Variants in TMEM131 observed in about 807,000 individuals in gnomAD.
The protein encoded by TMEM131 is 2610524E03Rik.
TMEM131 carries 66 observed loss-of-function variants against 211.6 expected under a neutral mutation model. The observed-to-expected ratio is 0.31, with a 90% CI of 0.26 to 0.38. The LOEUF is 0.38. Ranked by LOEUF, TMEM131 falls within the 10% of genes least tolerant of loss-of-function variation. The probability of loss-of-function intolerance (pLI) is 1.00; values close to 1 mark genes in which losing one functional copy is unlikely to be tolerated. For missense variants in TMEM131, 2,036 were observed against 2,299.3 expected (o/e 0.89, Z 2.34); for synonymous variants, 844 against 841.3 (o/e 1.00, Z -0.06).
intron 1 of TMEM131, among the ~76,000 whole-genome samples, chr2:97,940,860 G>A (rs1156286921): frequency 6.6e-6 from 1 of 151,554 alleles, no homozygotes. Context: ...CATGCTCATG[G>A]ATAGGAAGAA....
At chr2:97,974,642 G>A (rs1679452000) in intron 1 of TMEM131, among the ~76,000 whole-genome samples, 1 of 151,406 alleles carries the variant, frequency 6.6e-6, no homozygotes, top group Non-Finnish European at 1.5e-5. Context: ...ACAAAGATAA[G>A]GATGACATCA....
chr2:97,875,051 G>C (rs1049571056), intron 4 of TMEM131, among the ~76,000 whole-genome samples: 4 of 151,952 alleles, frequency 2.6e-5, no homozygotes, highest in Non-Finnish European at 5.9e-5. Context: ...ATGAAAAAAA[G>C]CAGGAGTTGC....
At position 97,792,618 on chromosome 2, in the gene TMEM131, A is replaced by C. The variant is rs1472581429; in HGVS notation, c.3912T>G (p.Pro1304=). ...AHSPLEQHPQ[P]PLPPPVPQPQ... ...GCTGAGGCACTGGCGGTGGCAGAGG[A>C]GGCTGAGGGTGCTGCTCCAGCGGGC... Residue 1304 remains proline (P), a synonymous_variant, in exon 31 of 41, where the codon CCT becomes CCG. Transcript: ENST00000186436. 2.5e-6 allele frequency: 4 copies of C among 1,612,748 alleles called. No homozygotes were observed. The highest frequency in any genetic ancestry group is 1.3e-5 in the African/African-American group (1 of 74,880).
At chr2:97,989,558 TAC>T (rs1680173205) in intron 1 of TMEM131, among the ~76,000 whole-genome samples, 1 of 152,234 alleles carries the variant, frequency 6.6e-6, no homozygotes, top group Non-Finnish European at 1.5e-5. Flanking sequence ...ACAACGTGAA[TAC>T]ACTTAACACC....
intron 1 of TMEM131, among the ~76,000 whole-genome samples, chr2:97,937,035 A>C (rs1267488367): frequency 6.6e-6 from 1 of 152,170 alleles, no homozygotes; most frequent in Non-Finnish European, 1.5e-5. Flanking sequence ...ATAAATTTAA[A>C]GAAACAAGAA....
In TMEM131 at chr2:97,976,204, T is replaced by TAC. The variant is rs945648788; in HGVS notation, c.187+19270_187+19271dup. Among the ~76,000 whole-genome samples, 18 of 152,240 alleles carry TAC rather than the reference T, an allele frequency of 1.2e-4. No individual in the cohort carries two copies. The South Asian group carries it at 1.5e-3, about 12-fold the overall frequency. On this transcript the variant is annotated intron_variant, in intron 1 of 40. Transcript: ENST00000186436. ...ACATTGCACTGGAGGTCATAAGCAG[T>TAC]ACAATCAGGTAAGCAAAACAGAAGG... is the stretch of plus-strand genomic sequence containing the variant.
At chr2:97,844,950 T>G (rs903603360) in intron 5 of TMEM131, among the ~76,000 whole-genome samples, 1 of 152,072 alleles carries the variant, frequency 6.6e-6, no homozygotes, top group African/African-American at 2.4e-5. Flanking sequence ...GCTAGAACTC[T>G]AAAATGCTAC....
chr2:97,760,596 T>C lies in TMEM131; in HGVS notation c.5105A>G (p.Asp1702Gly). The change falls in exon 38 of 41, where the codon GAC (aspartate) becomes GGC (glycine). Residue 1702 changes from aspartate to glycine, a missense_variant. This residue lies in a region of TMEM131 where 1,623 missense variants were observed against 1,805.9 expected (regional missense o/e 0.90). Transcript: ENST00000186436. The stretch of plus-strand genomic sequence containing the variant: ...GGTTAGTGGTGGTCTACCGTACCTG[T>C]CTGAGCCATCGCTGTCAACAGGAGC... ...SHAPVDSDGS[D>G]SSGLWSPVSN... 6.2e-7 allele frequency: 1 copy of C among 1,609,924 alleles called. No homozygotes were observed. Among genetic ancestry groups the C allele is most frequent in the South Asian group, 1.1e-5 (1 of 90,204 alleles).
intron 1 of TMEM131, among the ~76,000 whole-genome samples, chr2:97,937,015 C>G (rs1677476202): frequency 6.6e-6 from 1 of 152,014 alleles, no homozygotes; most frequent in Non-Finnish European, 1.5e-5. Flanking sequence ...TCCCACTGCC[C>G]AGTTTTCAAA....
rs184897199 is a variant in TMEM131 at position 97,811,022 on chromosome 2, T to C, written c.1968+106A>G. 1.2e-3 allele frequency: 971 copies of C among 813,110 alleles called. 4 individuals are homozygous for C. The highest frequency in any genetic ancestry group is 1.0e-3 in the Non-Finnish European group (504 of 480,854). 50.4% of individuals were successfully genotyped at this position (813,110 alleles called of 1,614,324 possible). On this transcript the variant is annotated intron_variant, in intron 18 of 40. Coordinates refer to ENST00000186436, the MANE Select transcript of TMEM131 (RefSeq NM_015348.2). ...CTCAGTTTTTAAGGTATGAAACTGGTAAACTGTAACTCTGAGTAAACTTAA... is the reference window on the plus strand; with the variant it reads ...CTCAGTTTTTAAGGTATGAAACTGGCAAACTGTAACTCTGAGTAAACTTAA...
chr2:97,791,090 C>T lies in TMEM131; in HGVS notation c.4144+1296G>A, dbSNP rs181968765. On this transcript the variant is annotated intron_variant, in intron 31 of 40. Transcript: ENST00000186436. ...CTTGGAATAATGTATATTAGCATGG[C>T]TGCCACAAGACAGAAAGGAAGATGC... is the stretch of plus-strand genomic sequence containing the variant. 3.9e-5 allele frequency among the ~76,000 whole-genome samples: 6 copies of T among 152,310 alleles called. No individual in the cohort carries two copies. The East Asian group carries it at 7.7e-4, about 20-fold the overall frequency.
intron 19 of TMEM131, among the ~76,000 whole-genome samples, chr2:97,809,070 G>C (rs994727922): frequency 3.3e-5 from 5 of 152,276 alleles, no homozygotes; most frequent in Middle Eastern, 3.4e-3. Context: ...TTTCATCTGT[G>C]TCCTCTATTT....
At chr2:97,809,876 T>C in intron 18 of TMEM131, 102 bp from the exon 19 acceptor site, 1 of 815,098 alleles carries the variant, frequency 1.2e-6, no homozygotes, top group Non-Finnish European at 2.0e-6. Flanking sequence ...TTGGGACTAA[T>C]ATTGACAATA....
chr2:97,876,705 A>G (rs905513361), intron 4 of TMEM131, among the ~76,000 whole-genome samples: 3 of 152,200 alleles, frequency 2.0e-5, no homozygotes, highest in African/African-American at 7.2e-5. Flanking sequence ...CATATCTCAA[A>G]ATAATAAAAG....
rs770841819 is a variant in TMEM131 at position 97,971,023 on chromosome 2, TTAAA to T, written c.187+24449_187+24452del. Among the ~76,000 whole-genome samples, 8 of 152,330 alleles carry T rather than the reference TTAAA, an allele frequency of 5.3e-5. 1 individual carries two copies. The highest frequency in any genetic ancestry group is 2.6e-4 in the Admixed American group (4 of 15,302). On this transcript the variant is annotated intron_variant, in intron 1 of 40. Transcript: ENST00000186436. Reference sequence around the variant, plus strand: ...TTCACCTTGCACATTAACTTCTGGCTTAAATAAACTACTACTTTAGAATTCTATC... The same window carrying T: ...TTCACCTTGCACATTAACTTCTGGCTTAAACTACTACTTTAGAATTCTATC...
intron 4 of TMEM131, among the ~76,000 whole-genome samples, chr2:97,871,531 C>T (rs984185268): frequency 2.0e-5 from 3 of 152,128 alleles, no homozygotes; most frequent in Admixed American, 6.5e-5. Context: ...TACTACAGAA[C>T]CTAAGGTTGG....
Position 97,833,294 on chromosome 2 carries a change from A to G in TMEM131, c.1074+71T>C, listed in dbSNP as rs138013807. The G allele has an allele frequency of 4.1e-5, 31 of 758,958 alleles. No individual in the cohort carries two copies. The East Asian group carries it at 8.8e-4, about 22-fold the overall frequency. The allele number at this position is 758,958 out of a possible 1,614,324, so 47.0% of individuals were successfully genotyped here. The stretch of plus-strand genomic sequence containing the variant: ...ATTATTTTAGAATAAGGGTTTAATT[A>G]TTTTTAACTTTGTCATACATTTAAA... On this transcript the variant is annotated intron_variant, in intron 11 of 40. Transcript: ENST00000186436.
At chr2:97,842,075 C>A in intron 6 of TMEM131, 138 bp from the exon 7 acceptor site, 1 of 835,652 alleles carries the variant, frequency 1.2e-6, no homozygotes, top group South Asian at 4.0e-5. Context: ...TAAAAAAAAC[C>A]CCCACAAATG....
intron 6 of TMEM131, among the ~76,000 whole-genome samples, chr2:97,843,785 C>T (rs1003679057): frequency 6.6e-6 from 1 of 152,004 alleles, no homozygotes; most frequent in Non-Finnish European, 1.5e-5. Flanking sequence ...TCAAAAAATA[C>T]CTACTAAAGG....
Sources: gnomAD v4.1 joint callset for allele counts (sites outside exome capture counted in the v4.1 genomes callset) on GRCh38, gnomAD v4.1.1 for gene constraint, gnomAD v4.1.1 regional missense constraint, MANE v1.5 for transcripts, NCBI Gene and HGNC (gene_info 2026-07-23, HGNC 2026-07-21) for gene names.